GRM1: variants seen among roughly 807,000 people sequenced by gnomAD.
The protein encoded by GRM1 is metabotropic glutamate receptor 1.
A neutral mutation model predicts 90.9 loss-of-function variants in GRM1; 33 were observed. The observed-to-expected ratio is 0.36, with a 90% CI of 0.28 to 0.49. The LOEUF (loss-of-function observed/expected upper bound fraction) is 0.49, where lower values mean the gene tolerates loss of function less well. Ranked by LOEUF, GRM1 falls within the 20% of genes least tolerant of loss-of-function variation. The pLI is 0.99. For missense variants in GRM1, 1,190 were observed against 1,534.3 expected, an observed-to-expected ratio of 0.78 and a Z score of 3.75; for synonymous variants, 700 against 613.2, an observed-to-expected ratio of 1.14 and a Z score of -2.09.
intron 1 of GRM1, among the ~76,000 whole-genome samples, chr6:146,049,514 C>G (rs1791447463): frequency 6.6e-6 from 1 of 151,964 alleles, no homozygotes; most frequent in Admixed American, 6.6e-5. Context: ...TCATCAGCTT[C>G]CCTGGTTCTC....
chr6:146,139,209 A>G (rs2128883009), intron 1 of GRM1, among the ~76,000 whole-genome samples: 1 of 152,238 alleles, frequency 6.6e-6, no homozygotes, highest in African/African-American at 2.4e-5. Flanking sequence ...TTTTTGAATT[A>G]TTTAAGATTT....
chr6:146,124,804 T>C (rs1776134609), intron 1 of GRM1, among the ~76,000 whole-genome samples: 1 of 152,204 alleles, frequency 6.6e-6, no homozygotes, highest in South Asian at 2.1e-4. Flanking sequence ...TCTGTGGTTA[T>C]CTAAAACTTC....
chr6:146,032,205 G>A (rs1411406834), intron 1 of GRM1, among the ~76,000 whole-genome samples: 1 of 152,054 alleles, frequency 6.6e-6, no homozygotes, highest in Non-Finnish European at 1.5e-5. Context: ...GTGTTGTATG[G>A]CAAAGACAAT....
chr6:146,293,520 T>G (rs951539716), intron 2 of GRM1, among the ~76,000 whole-genome samples: 11 of 152,000 alleles, frequency 7.2e-5, no homozygotes, highest in Admixed American at 2.6e-4. Flanking sequence ...ACTTTATATA[T>G]TTTTTACAAC....
intron 2 of GRM1, among the ~76,000 whole-genome samples, chr6:146,275,773 G>C (rs891597332): frequency 8.6e-5 from 13 of 151,988 alleles, no homozygotes. Context: ...TATTGTCAGT[G>C]TTTTACTTTA....
rs1367663079 is a variant in GRM1, at chr6:146,434,622, G to A, written c.3411G>A (p.Leu1137=). 6.2e-7 allele frequency: 1 copy of A among 1,612,466 alleles called. No homozygotes were observed. The highest frequency in any genetic ancestry group is 1.1e-5 in the South Asian group (1 of 91,084). ...EEEDLQAASK[L]TPDDSPALTP... The stretch of plus-strand genomic sequence containing the variant: ...AGGACCTGCAGGCGGCCAGCAAACT[G>A]ACCCCGGATGATTCGCCTGCGCTGA... The change falls in exon 8 of 8, where the codon CTG becomes CTA. Residue 1137 remains leucine (L), a synonymous_variant. Transcript: ENST00000282753.
chr6:146,195,445 G>A (rs1012321712), intron 2 of GRM1, among the ~76,000 whole-genome samples: 14 of 152,152 alleles, frequency 9.2e-5, no homozygotes, highest in African/African-American at 2.7e-4. Context: ...GAGATTGAGA[G>A]GATTACTAAG....
chr6:146,270,956 T>TTCCTTCCTTCCTTCCTTC (rs1562571418), intron 2 of GRM1, among the ~76,000 whole-genome samples: 2 of 84,556 alleles, frequency 2.4e-5, no homozygotes, highest in African/African-American at 1.3e-4. Context: ...TTCCTTCCTT[T>TTCCTTCCTTCCTTCCTTC]CTTTCTTTCT....
intron 7 of GRM1, among the ~76,000 whole-genome samples, chr6:146,415,487 C>G (rs1380505395): frequency 6.6e-6 from 1 of 152,170 alleles, no homozygotes; most frequent in African/African-American, 2.4e-5. Context: ...CATTAAATGA[C>G]TGGTACTTTT....
At chr6:146,073,352 G>A (rs1361140039) in intron 1 of GRM1, among the ~76,000 whole-genome samples, 1 of 152,114 alleles carries the variant, frequency 6.6e-6, no homozygotes, top group Non-Finnish European at 1.5e-5. Context: ...ATACTTTCTT[G>A]TAAAAGGAGA....
rs1211660847 is a variant in GRM1 at position 146,436,270 on chromosome 6, A to T, written c.*1474A>T. On this transcript the variant is annotated 3_prime_UTR_variant, in exon 8 of 8. Transcript: ENST00000282753. ...GATGGACATTTTTCTTCTAAGATGGAACTTATTTTTCAGATATTTTCTGAT... is the reference window on the plus strand; with the variant it reads ...GATGGACATTTTTCTTCTAAGATGGTACTTATTTTTCAGATATTTTCTGAT... 3.3e-5 allele frequency: 5 copies of T among 152,138 alleles called. No homozygotes were observed. The highest frequency in any genetic ancestry group is 6.6e-5 in the Admixed American group (1 of 15,252). 9.4% of individuals were successfully genotyped at this position (152,138 alleles called of 1,614,324 possible).
At chr6:146,110,396 G>A (rs552492775) in intron 1 of GRM1, among the ~76,000 whole-genome samples, 1 of 152,288 alleles carries the variant, frequency 6.6e-6, no homozygotes, top group African/African-American at 2.4e-5. Context: ...CTGCCGCCAT[G>A]TGAGATGTGC....
chr6:146,031,653 C>A (rs1790712483), intron 1 of GRM1, among the ~76,000 whole-genome samples: 1 of 152,072 alleles, frequency 6.6e-6, no homozygotes, highest in African/African-American at 2.4e-5. Flanking sequence ...TCATGAACTG[C>A]GTATCTCTTT....
intron 5 of GRM1, among the ~76,000 whole-genome samples, chr6:146,375,765 A>T (rs1162543024): frequency 6.6e-6 from 1 of 151,962 alleles, no homozygotes; most frequent in African/African-American, 2.4e-5. Context: ...TTTTATTTTC[A>T]GTCTAACCAT....
intron 2 of GRM1, among the ~76,000 whole-genome samples, chr6:146,196,952 C>T (rs1293966877): frequency 1.3e-5 from 2 of 152,190 alleles, no homozygotes; most frequent in African/African-American, 4.8e-5. Flanking sequence ...AATAAGCATT[C>T]TCTACCCTTG....
At chr6:146,270,905 CTTTCTTT>C (rs1583252813) in intron 2 of GRM1, among the ~76,000 whole-genome samples, 45 of 112,836 alleles carry the variant, frequency 4.0e-4, no homozygotes, top group African/African-American at 8.4e-4. Context: ...TTCTTTCTTT[CTTTCTTT>C]CTTCCTTCCT....
chr6:146,388,190 A>G (rs1352417430), intron 6 of GRM1, among the ~76,000 whole-genome samples: 1 of 152,074 alleles, frequency 6.6e-6, no homozygotes, highest in Admixed American at 6.6e-5. Context: ...ACACTTTGTC[A>G]TCTGAATAAT....
chr6:146,338,467 G>A (rs1784856424), intron 3 of GRM1, among the ~76,000 whole-genome samples: 2 of 152,234 alleles, frequency 1.3e-5, no homozygotes, highest in Admixed American at 1.3e-4. Context: ...TGCCTCCACA[G>A]TTCACACATC....
intron 7 of GRM1, among the ~76,000 whole-genome samples, chr6:146,426,835 A>G (rs1778229644): frequency 6.6e-6 from 1 of 152,002 alleles, no homozygotes; most frequent in Non-Finnish European, 1.5e-5. Flanking sequence ...CAAGTTGTTC[A>G]TTTAGGCTTT....
Sources: gnomAD v4.1 joint callset for allele counts (sites outside exome capture counted in the v4.1 genomes callset) on GRCh38, gnomAD v4.1.1 for gene constraint, MANE v1.5 for transcripts, NCBI Gene and HGNC (gene_info 2026-07-23, HGNC 2026-07-21) for gene names.